The following SAMSN1 variants were observed in gnomAD, a reference collection of about 807,000 sequenced individuals.
SAMSN1 encodes the protein SAM domain, SH3 domain and nuclear localization signals 1.
In SAMSN1, 31 loss-of-function variants were observed where a neutral mutation model predicts 42.0. The ratio of observed to expected loss-of-function variants is 0.74; its 90% CI spans 0.55 to 1.00. The LOEUF (loss-of-function observed/expected upper bound fraction) is 1.00, where lower values mean the gene tolerates loss of function less well. SAMSN1 is among the 50% of genes least tolerant of loss of function. The pLI, the probability that SAMSN1 is intolerant of heterozygous loss-of-function variation, is 0.00. For synonymous variants in SAMSN1, 178 were observed against 151.9 expected (o/e 1.17, Z -1.26); for missense variants, 464 against 439.4 (o/e 1.06, Z -0.50).
intron 2 of SAMSN1, among the ~76,000 whole-genome samples, chr21:14,580,988 A>G (rs1981693137): frequency 1.3e-5 from 2 of 152,306 alleles, no homozygotes; most frequent in South Asian, 4.1e-4. Flanking sequence ...TAGAAGATTT[A>G]TAATATTTGA....
chr21:14,496,894 C>T (rs1986934782), intron 7 of SAMSN1, among the ~76,000 whole-genome samples: 1 of 152,180 alleles, frequency 6.6e-6, no homozygotes, highest in Non-Finnish European at 1.5e-5. Context: ...AAAAAGTAAA[C>T]TACTTTTCAC....
At chr21:14,515,750 TAAAA>T (rs535994245) in intron 3 of SAMSN1, among the ~76,000 whole-genome samples, 3 of 152,154 alleles carry the variant, frequency 2.0e-5, no homozygotes, top group African/African-American at 7.2e-5. Flanking sequence ...ATATATCTGA[TAAAA>T]AACTTGCATC....
intron 7 of SAMSN1, among the ~76,000 whole-genome samples, chr21:14,488,335 C>A (rs1239251766): frequency 6.6e-6 from 1 of 152,142 alleles, no homozygotes. Context: ...ATATCCTAAA[C>A]AAGACTTGGC....
intron 1 of SAMSN1, among the ~76,000 whole-genome samples, chr21:14,526,504 CT>C (rs1350431333): frequency 1.3e-5 from 2 of 152,166 alleles, no homozygotes; most frequent in South Asian, 2.1e-4. Flanking sequence ...TAAGGCGATT[CT>C]TTTTTTATTA....
chr21:14,555,718 ACAGTCGAAGCT>A (rs1980742300), intron 2 of SAMSN1, among the ~76,000 whole-genome samples: 1 of 152,220 alleles, frequency 6.6e-6, no homozygotes, highest in Non-Finnish European at 1.5e-5. Context: ...ACAGGATAAA[ACAGTCGAAGCT>A]CAAGTTTTTA....
intron 7 of SAMSN1, among the ~76,000 whole-genome samples, chr21:14,588,710 A>G (rs182075626): frequency 3.3e-5 from 5 of 152,150 alleles, no homozygotes; most frequent in East Asian, 3.9e-4. Context: ...CATCTATTCT[A>G]TCTTCAAAAT....
chr21:14,546,968 C>T (rs1390127913), upstream of SAMSN1, among the ~76,000 whole-genome samples: 1 of 152,006 alleles, frequency 6.6e-6, no homozygotes, highest in Non-Finnish European at 1.5e-5. Flanking sequence ...CTCAGCCTCC[C>T]AAAATGCTAG....
Position 14,624,699 on chromosome 21 carries a change from A to C in SAMSN1, c.157-8683T>G, listed in dbSNP as rs187371747. Among the ~76,000 whole-genome samples the C allele has an allele frequency of 4.6e-5, 7 of 152,248 alleles. No homozygotes were observed. The East Asian group carries it at 9.7e-4, about 21-fold the overall frequency. The stretch of plus-strand genomic sequence containing the variant: ...TCACAGCCAAATACTAACAGAGGTA[A>C]AAGGAGGAGCTGGTACCATTCCTTC... On this transcript the variant is annotated intron_variant, in intron 2 of 15. Transcript: ENST00000647101.
intron 7 of SAMSN1, among the ~76,000 whole-genome samples, chr21:14,590,521 A>C (rs1982050188): frequency 6.6e-6 from 1 of 152,092 alleles, no homozygotes; most frequent in Non-Finnish European, 1.5e-5. Context: ...GGCTTTAACC[A>C]ATCCTCCTGC....
chr21:14,647,561 G>A (rs1983740887), intron 1 of SAMSN1, among the ~76,000 whole-genome samples: 1 of 146,714 alleles, frequency 6.8e-6, no homozygotes, highest in South Asian at 2.3e-4. Context: ...CATTAAATCT[G>A]TAAATTACCT....
intron 7 of SAMSN1, among the ~76,000 whole-genome samples, chr21:14,487,486 T>G (rs79679216): frequency 0.022 from 3,346 of 152,290 alleles, 63 homozygotes; most frequent in Middle Eastern, 0.048. Flanking sequence ...GTTACCCTTG[T>G]GTTAATGAAT....
rs1398039710 is a variant in SAMSN1 at position 14,612,940 on chromosome 21, TAA to T, written c.198-29_198-28del. The T allele has an allele frequency of 7.3e-6, 5 of 683,414 alleles. No homozygotes were observed. In the East Asian group the frequency reaches 1.1e-4, roughly 15 times the overall value. 42.3% of individuals were successfully genotyped at this position (683,414 alleles called of 1,614,324 possible). A position where few individuals can be genotyped will look rare whatever the true frequency, so the allele number is the denominator to read the frequency against. Reference sequence around the variant, plus strand: ...TGGAAGAATAAAAGAAAAAGATATTTAAGTCTAGATTTAATAAATAACATTTT... The same window carrying T: ...TGGAAGAATAAAAGAAAAAGATATTTGTCTAGATTTAATAAATAACATTTT... On this transcript the variant is annotated intron_variant, in intron 3 of 15. Coordinates refer to the SAMSN1 transcript ENST00000647101.
chr21:14,602,085 C>T (rs1054139095), exon 6 of SAMSN1: 3 of 683,906 alleles, frequency 4.4e-6, no homozygotes, highest in Non-Finnish European at 8.2e-6. Flanking sequence ...CTTAGAAAAT[C>T]ATCTTCATTT....
chr21:14,487,728 C>A (rs931138684), intron 7 of SAMSN1, among the ~76,000 whole-genome samples: 1 of 152,072 alleles, frequency 6.6e-6, no homozygotes, highest in African/African-American at 2.4e-5. Flanking sequence ...ACAGTGAAAC[C>A]ATATTTATGC....
chr21:14,499,510 G>T (rs62227163), intron 6 of SAMSN1, among the ~76,000 whole-genome samples: 1 of 137,130 alleles, frequency 7.3e-6, no homozygotes, highest in Non-Finnish European at 1.6e-5. Flanking sequence ...AAAAAAAAAG[G>T]AAGAAAAGCA....
intron 2 of SAMSN1, among the ~76,000 whole-genome samples, chr21:14,639,753 T>G (rs897891605): frequency 2.1e-4 from 2 of 9,318 alleles, no homozygotes; most frequent in Admixed American, 2.1e-3. Context: ...ATATGTTAGT[T>G]TTTTTTTCAG....
intron 2 of SAMSN1, among the ~76,000 whole-genome samples, chr21:14,574,632 C>G (rs912810957): frequency 1.2e-4 from 18 of 152,144 alleles, no homozygotes; most frequent in Non-Finnish European, 1.5e-5. Flanking sequence ...TGCTGTGTCT[C>G]AAAAGTCTAT....
At chr21:14,517,695 C>CTG (rs1447973333) in intron 2 of SAMSN1, among the ~76,000 whole-genome samples, 1 of 152,124 alleles carries the variant, frequency 6.6e-6, no homozygotes, top group Non-Finnish European at 1.5e-5. Context: ...ATTTGGACTG[C>CTG]TTCAGTCTGT....
At chr21:14,640,284 T>C (rs919510340) in intron 2 of SAMSN1, among the ~76,000 whole-genome samples, 1 of 152,226 alleles carries the variant, frequency 6.6e-6, no homozygotes, top group African/African-American at 2.4e-5. Context: ...TTATGGGCTA[T>C]AGTTTCCTCC....
Sources: allele counts gnomAD v4.1 joint callset (sites outside exome capture counted in the v4.1 genomes callset), GRCh38; gene constraint gnomAD v4.1.1; transcripts MANE v1.5; gene names NCBI Gene and HGNC (gene_info 2026-07-23, HGNC 2026-07-21).